Variants in STK24 observed in about 807,000 individuals in gnomAD.
STK24 encodes the protein serine/threonine kinase 24, also known as serine/threonine-protein kinase 24.
In STK24, 21 loss-of-function variants were observed where a neutral mutation model predicts 55.6. The observed-to-expected ratio is 0.38, with a 90% CI of 0.27 to 0.54. STK24 has a LOEUF of 0.54. Ranked by LOEUF, STK24 falls within the 20% of genes least tolerant of loss-of-function variation. STK24 has a pLI of 0.79. For synonymous variants in STK24, 200 were observed against 215.2 expected, an observed-to-expected ratio of 0.93 and a Z score of 0.62; for missense variants, 383 against 538.4, an observed-to-expected ratio of 0.71 and a Z score of 2.86.
chr13:98,481,934 G>A (rs963838539), intron 3 of STK24, among the ~76,000 whole-genome samples: 1 of 152,016 alleles, frequency 6.6e-6, no homozygotes, highest in Non-Finnish European at 1.5e-5. Flanking sequence ...AGGTGTGGTG[G>A]CATGCACCTG....
rs1159001265 is a variant in STK24, at chr13:98,447,010, C to T, written c.*6163G>A. The T allele has an allele frequency of 1.7e-6, 1 of 594,136 alleles. No homozygotes were observed. The highest frequency in any genetic ancestry group is 2.0e-5 in the South Asian group (1 of 50,432). The allele number at this position is 594,136 out of a possible 1,614,324, so 36.8% of individuals were successfully genotyped here. A position where few individuals can be genotyped will look rare whatever the true frequency, so the allele number is the denominator to read the frequency against. ...TGGCAGAAAGTGGGGTCCCAACTTC[C>T]CTGCGCCCTTACCCTGCACGGTGTT... On this transcript the variant is annotated 3_prime_UTR_variant, in exon 11 of 11. Coordinates refer to ENST00000539966, the MANE Select transcript of STK24 (RefSeq NM_001032296.4).
chr13:98,493,536 A>G (rs1895121255), intron 2 of STK24, among the ~76,000 whole-genome samples: 2 of 152,184 alleles, frequency 1.3e-5, no homozygotes, highest in Non-Finnish European at 2.9e-5. Context: ...CAAACATCAC[A>G]GTAAATGATC....
intron 1 of STK24, among the ~76,000 whole-genome samples, chr13:98,551,035 C>A (rs1025604221): frequency 6.6e-6 from 1 of 152,084 alleles, no homozygotes; most frequent in Non-Finnish European, 1.5e-5. Flanking sequence ...GCCTGTAATC[C>A]CAGCACTTTG....
chr13:98,562,380 G>A (rs982369885), intron 1 of STK24, among the ~76,000 whole-genome samples: 13 of 152,230 alleles, frequency 8.5e-5, no homozygotes, highest in African/African-American at 2.2e-4. Flanking sequence ...GGTAGGAAAC[G>A]GGACTCGCAC....
intron 1 of STK24, chr13:98,521,843 TG>T: frequency 1.3e-6 from 1 of 794,876 alleles, no homozygotes; most frequent in South Asian, 1.3e-5. Context: ...AGCTGGGCTC[TG>T]GAGTCCATCC....
At chr13:98,508,918 G>C (rs532622838) in intron 2 of STK24, 1 of 152,282 alleles carries the variant, frequency 6.6e-6, no homozygotes, top group Non-Finnish European at 1.5e-5. Context: ...GGTCAAGCTT[G>C]AGGAATGTGA....
chr13:98,520,058 G>A (rs1237696824), intron 1 of STK24, among the ~76,000 whole-genome samples: 1 of 152,108 alleles, frequency 6.6e-6, no homozygotes, highest in Non-Finnish European at 1.5e-5. Flanking sequence ...CTGTACCCTG[G>A]AAATAGCCTC....
At chr13:98,567,127 C>T (rs1295822604) in intron 1 of STK24, among the ~76,000 whole-genome samples, 4 of 152,238 alleles carry the variant, frequency 2.6e-5, no homozygotes, top group Non-Finnish European at 5.9e-5. Flanking sequence ...AGAGCTTTCG[C>T]TGTTTAGATA....
At chr13:98,555,750 C>T (rs575045869) in intron 1 of STK24, among the ~76,000 whole-genome samples, 7 of 142,576 alleles carry the variant, frequency 4.9e-5, no homozygotes, top group African/African-American at 1.0e-4. Flanking sequence ...GCGCAATCTC[C>T]GCTCACTGCA....
chr13:98,568,331 C>G (rs1008739761), intron 1 of STK24, among the ~76,000 whole-genome samples: 1 of 151,932 alleles, frequency 6.6e-6, no homozygotes, highest in African/African-American at 2.4e-5. Flanking sequence ...GTGCTGGACC[C>G]CCGGCTCTCA....
At chr13:98,481,592 T>C (rs1277822504) in intron 3 of STK24, among the ~76,000 whole-genome samples, 3 of 152,264 alleles carry the variant, frequency 2.0e-5, no homozygotes, top group African/African-American at 7.2e-5. Flanking sequence ...ATGTGAAATA[T>C]GAAACGATGA....
rs1454749717 is a variant in STK24 at position 98,446,094 on chromosome 13, T to C, written c.*7079A>G. 1 of 1,609,606 alleles carries C rather than the reference T, an allele frequency of 6.2e-7. No individual in the cohort carries two copies. Among genetic ancestry groups the C allele is most frequent in the Non-Finnish European group, 8.5e-7 (1 of 1,175,940 alleles). On this transcript the variant is annotated 3_prime_UTR_variant, in exon 11 of 11. Coordinates refer to ENST00000539966, the MANE Select transcript of STK24 (RefSeq NM_001032296.4). Reference sequence around the variant, plus strand: ...TGCTTCTCACAGGCCTCCTTGCCTTTCAGAATCAGTTGTCTGGAAACCTGC... The same window carrying C: ...TGCTTCTCACAGGCCTCCTTGCCTTCCAGAATCAGTTGTCTGGAAACCTGC...
In STK24 at chr13:98,469,560, CG is replaced by C. The variant is rs1894064673; in HGVS notation, c.598-3000del. Among the ~76,000 whole-genome samples the C allele has an allele frequency of 7.3e-5, 11 of 151,282 alleles. No homozygotes were observed. In the South Asian group the frequency reaches 2.1e-3, roughly 29 times the overall value. ...CCCCCCCCCCAAAAAAAAAAGGCGG[CG>C]GGGGGAGGACATCCTACTAGGTAGC... On this transcript the variant is annotated intron_variant, in intron 5 of 10. Coordinates refer to ENST00000539966, the MANE Select transcript of STK24 (RefSeq NM_001032296.4).
intron 5 of STK24, among the ~76,000 whole-genome samples, chr13:98,473,760 C>T (rs534669545): frequency 3.3e-5 from 5 of 152,228 alleles, no homozygotes; most frequent in Non-Finnish European, 5.9e-5. Context: ...AACAGTGAGA[C>T]GGGCTCACTC....
chr13:98,557,204 T>C (rs915051052), intron 1 of STK24, among the ~76,000 whole-genome samples: 35 of 152,216 alleles, frequency 2.3e-4, no homozygotes, highest in African/African-American at 8.0e-4. Flanking sequence ...AGCCGTCCCA[T>C]GTTGCTAGCA....
chr13:98,510,674 T>C (rs1183653645), intron 2 of STK24, among the ~76,000 whole-genome samples: 1 of 152,194 alleles, frequency 6.6e-6, no homozygotes, highest in Non-Finnish European at 1.5e-5. Context: ...ACAGGACACA[T>C]GTTCTATAAT....
At chr13:98,514,491 C>T (rs545867095) in intron 2 of STK24, among the ~76,000 whole-genome samples, 2 of 152,216 alleles carry the variant, frequency 1.3e-5, no homozygotes, top group African/African-American at 4.8e-5. Context: ...ACTTAGTTTT[C>T]TAAAACTCAC....
intron 1 of STK24, among the ~76,000 whole-genome samples, chr13:98,531,032 C>T (rs1044064166): frequency 6.6e-6 from 1 of 152,122 alleles, no homozygotes; most frequent in Non-Finnish European, 1.5e-5. Flanking sequence ...TATTCTTCCC[C>T]TAAGTAAGAA....
At chr13:98,563,373 C>T (rs774777843) in intron 1 of STK24, among the ~76,000 whole-genome samples, 32 of 152,138 alleles carry the variant, frequency 2.1e-4, no homozygotes, top group Non-Finnish European at 2.8e-4. Flanking sequence ...CACAGAAGCT[C>T]GTCTTTTCTT....
Sources: allele counts gnomAD v4.1 joint callset (sites outside exome capture counted in the v4.1 genomes callset), GRCh38; gene constraint gnomAD v4.1.1; transcripts MANE v1.5; gene names NCBI Gene and HGNC (gene_info 2026-07-23, HGNC 2026-07-21).